SGSM1: variants seen among roughly 807,000 people sequenced by gnomAD.
The protein encoded by SGSM1 is RUN and TBC1 domain containing 2.
SGSM1 carries 73 observed loss-of-function variants against 133.8 expected under a neutral mutation model. The observed-to-expected ratio is 0.55, with a 90% confidence interval of 0.45 to 0.66. SGSM1 has a LOEUF of 0.66. Among genes scored for constraint, SGSM1 ranks in the 30% least tolerant of loss-of-function variants. SGSM1 has a pLI of 0.00. For synonymous variants in SGSM1, 563 were observed against 573.0 expected (o/e 0.98, Z 0.25); for missense variants, 1,213 against 1,448.1 (o/e 0.84, Z 2.64).
chr22:24,883,140 G>A (rs1299543597), intron 14 of SGSM1, among the ~76,000 whole-genome samples: 5 of 151,360 alleles, frequency 3.3e-5, no homozygotes, highest in Admixed American at 6.6e-5. Flanking sequence ...TCCTGACCTC[G>A]TGATCCGCCC....
rs776468603 is a variant in SGSM1 at position 24,868,431 on chromosome 22, C to T, written c.1050C>T (p.Pro350=). 2 of 1,613,900 alleles carry T rather than the reference C, an allele frequency of 1.2e-6. No homozygotes were observed. The highest frequency in any genetic ancestry group is 1.7e-6 in the Non-Finnish European group (2 of 1,179,854). The change falls in exon 11 of 25, where the codon CCC becomes CCT. Residue 350 remains proline, a synonymous_variant. Coordinates refer to ENST00000400358, the MANE Select transcript of SGSM1 (RefSeq NM_001098497.3). Reference sequence around the variant, plus strand: ...GCCAGGACGGGATCCAGAGGCCGCCCTTCCGCTTCCCCAAGGGCGGGCACC... The same window carrying T: ...GCCAGGACGGGATCCAGAGGCCGCCTTTCCGCTTCCCCAAGGGCGGGCACC... ...LVSQDGIQRP[P]FRFPKGGHLL...
Position 24,855,531 on chromosome 22 carries a change from C to T in SGSM1, c.670-18C>T, listed in dbSNP as rs374139293. 1.2e-6 allele frequency: 2 copies of T among 1,613,766 alleles called. No individual in the cohort carries two copies. Among genetic ancestry groups the T allele is most frequent in the African/African-American group, 1.3e-5 (1 of 75,032 alleles). ...CACCCCAGGCCTCATCCCTCTGTCT[C>T]CCGTCACTCTCTACCAGATCCAGAA... is the stretch of plus-strand genomic sequence containing the variant. On this transcript the variant is annotated intron_variant, in intron 7 of 24. Coordinates refer to ENST00000400358, the MANE Select transcript of SGSM1 (RefSeq NM_001098497.3).
chr22:24,863,688 A>G (rs139710), intron 9 of SGSM1, among the ~76,000 whole-genome samples: 13,063 of 151,520 alleles, frequency 0.086, 961 homozygotes, highest in African/African-American at 0.2. Flanking sequence ...CCAAGAAGCA[A>G]TGAAATGGGG....
chr22:24,897,624 T>A (rs1932951781), intron 18 of SGSM1, among the ~76,000 whole-genome samples: 1 of 151,234 alleles, frequency 6.6e-6, no homozygotes, highest in Non-Finnish European at 1.5e-5. Context: ...TGTGCCACCA[T>A]ACCAGGCTAA....
chr22:24,859,088 G>T (rs547853812), intron 8 of SGSM1, among the ~76,000 whole-genome samples: 1 of 152,318 alleles, frequency 6.6e-6, no homozygotes, highest in Non-Finnish European at 1.5e-5. Flanking sequence ...GCGTGTGAAG[G>T]CTGAGCCGTG....
At chr22:24,850,227 T>C in intron 4 of SGSM1, 53 bp from the exon 5 acceptor site, 1 of 1,520,950 alleles carries the variant, frequency 6.6e-7, no homozygotes, top group Non-Finnish European at 8.9e-7. Flanking sequence ...CAATTAGTCC[T>C]GTGTAGATTT....
intron 21 of SGSM1, among the ~76,000 whole-genome samples, chr22:24,908,981 G>A (rs139755): frequency 0.36 from 54,831 of 151,988 alleles, 10,293 homozygotes; most frequent in East Asian, 0.64. Flanking sequence ...CTTGCCGCAC[G>A]GCAGGAGGTG....
At chr22:24,822,143 T>G (rs920282034) in intron 2 of SGSM1, among the ~76,000 whole-genome samples, 4 of 140,002 alleles carry the variant, frequency 2.9e-5, no homozygotes, top group African/African-American at 1.1e-4. Context: ...CAGGCTGGAG[T>G]GCAGTGGCAC....
chr22:24,897,868 C>T, intron 18 of SGSM1, 104 bp from the exon 19 acceptor site: 1 of 1,002,786 alleles, frequency 1.0e-6, no homozygotes, highest in Non-Finnish European at 1.5e-6. Flanking sequence ...CATGCTTGAT[C>T]CATATTTAAG....
chr22:24,916,031 G>A (rs915916408), intron 22 of SGSM1, among the ~76,000 whole-genome samples: 11 of 114,004 alleles, frequency 9.6e-5, no homozygotes, highest in Admixed American at 4.4e-4. Flanking sequence ...GGAGGTATTC[G>A]TCCACCATCT....
Position 24,859,950 on chromosome 22 carries a change from C to G in SGSM1, c.926+110C>G, listed in dbSNP as rs1931031851. ...TTGTATCCCGCCCCTGCTTCTGCCC[C>G]CTCCTCTGCCTGGTTGTTAGGACCA... On this transcript the variant is annotated intron_variant, in intron 9 of 24. Coordinates refer to ENST00000400358, the MANE Select transcript of SGSM1 (RefSeq NM_001098497.3). 4.1e-6 allele frequency: 6 copies of G among 1,451,284 alleles called. No homozygotes were observed. In the Admixed American group the frequency reaches 9.2e-5, roughly 22 times the overall value. 89.9% of individuals were successfully genotyped at this position (1,451,284 alleles called of 1,614,324 possible). A position where few individuals can be genotyped will look rare whatever the true frequency, so the allele number is the denominator to read the frequency against.
At chr22:24,856,928 C>T (rs1368685225) in intron 8 of SGSM1, among the ~76,000 whole-genome samples, 1 of 151,774 alleles carries the variant, frequency 6.6e-6, no homozygotes, top group Non-Finnish European at 1.5e-5. Context: ...GCCACCACGC[C>T]CAGCTAATTT....
chr22:24,867,935 A>G (rs1454838553), intron 10 of SGSM1, among the ~76,000 whole-genome samples: 1 of 152,202 alleles, frequency 6.6e-6, no homozygotes, highest in African/African-American at 2.4e-5. Context: ...GAGTATTTCA[A>G]TAAGACAGTG....
intron 2 of SGSM1, among the ~76,000 whole-genome samples, chr22:24,819,372 G>A (rs1028297312): frequency 1.3e-5 from 2 of 152,128 alleles, no homozygotes; most frequent in Non-Finnish European, 2.9e-5. Context: ...TGATAACGTG[G>A]GACAGCACGG....
intron 2 of SGSM1, among the ~76,000 whole-genome samples, chr22:24,837,695 T>C (rs139651): frequency 0.78 from 118,148 of 151,624 alleles, 46,565 homozygotes; most frequent in African/African-American, 0.87. Context: ...CTGGCATCAC[T>C]GCTAGACCAA....
rs1351823236 is a variant in SGSM1, at chr22:24,912,772, C to CAA, written c.2928+20_2928+21insAA. The CAA allele has an allele frequency of 6.3e-7, 1 of 1,579,650 alleles. No individual in the cohort carries two copies. Among genetic ancestry groups the CAA allele is most frequent in the Non-Finnish European group, 8.7e-7 (1 of 1,154,334 alleles). On this transcript the variant is annotated intron_variant, in intron 22 of 24. Coordinates refer to ENST00000400358, the MANE Select transcript of SGSM1 (RefSeq NM_001098497.3). Reference sequence around the variant, plus strand: ...ATCCAGGTATGACCCAGCATCCATTCTTGCTTTGGACTTTTTTGGGAAACA... The same window carrying CAA: ...ATCCAGGTATGACCCAGCATCCATTCAATTGCTTTGGACTTTTTTGGGAAACA...
At chr22:24,844,525 T>TAA (rs34233022) in intron 2 of SGSM1, 65 of 158,868 alleles carry the variant, frequency 4.1e-4, no homozygotes, top group South Asian at 3.4e-3. Context: ...AAACTCCGTC[T>TAA]AAAAAAAAAA....
At chr22:24,886,784 G>T (rs1179099058) in intron 16 of SGSM1, 56 bp downstream of exon 16, 1 of 1,532,334 alleles carries the variant, frequency 6.5e-7, no homozygotes, top group Non-Finnish European at 8.8e-7. Context: ...GCCAGATACT[G>T]TGGGGCTGGG....
At chr22:24,904,478 G>T (rs1222777584) in intron 20 of SGSM1, among the ~76,000 whole-genome samples, 1 of 151,830 alleles carries the variant, frequency 6.6e-6, no homozygotes, top group Non-Finnish European at 1.5e-5. Flanking sequence ...TACTCGGGAG[G>T]CTGAGGCAGG....
Sources: allele counts gnomAD v4.1 joint callset (sites outside exome capture counted in the v4.1 genomes callset), GRCh38; gene constraint gnomAD v4.1.1; transcripts MANE v1.5; gene names NCBI Gene and HGNC (gene_info 2026-07-23, HGNC 2026-07-21).